CCDC62: variants seen among roughly 807,000 people sequenced by gnomAD.
The protein encoded by CCDC62 is coiled-coil domain-containing protein 62.
A neutral mutation model predicts 80.8 loss-of-function variants in CCDC62; 72 were observed. The ratio of observed to expected loss-of-function variants is 0.89; its 90% confidence interval spans 0.74 to 1.08. The LOEUF (loss-of-function observed/expected upper bound fraction) is 1.08, where lower values mean the gene tolerates loss of function less well. Ranked by LOEUF, CCDC62 falls within the 50% of genes least tolerant of loss-of-function variation. CCDC62 has a pLI of 0.00. For missense variants in CCDC62, 704 were observed against 809.4 expected, an observed-to-expected ratio of 0.87 and a Z score of 1.58; for synonymous variants, 286 against 296.5, an observed-to-expected ratio of 0.96 and a Z score of 0.36.
At chr12:122,811,915 C>T (rs1411247378) in intron 10 of CCDC62, among the ~76,000 whole-genome samples, 1 of 150,948 alleles carries the variant, frequency 6.6e-6, no homozygotes, top group Admixed American at 6.6e-5. Flanking sequence ...AACTTCACAT[C>T]CCAAAGTTGA....
chr12:122,816,398 C>T (rs1270650200), intron 11 of CCDC62, among the ~76,000 whole-genome samples: 1 of 152,142 alleles, frequency 6.6e-6, no homozygotes, highest in Admixed American at 6.6e-5. Flanking sequence ...TCTAGTCATT[C>T]TTTGGCAGCT....
intron 4 of CCDC62, among the ~76,000 whole-genome samples, chr12:122,788,238 G>A (rs992046080): frequency 1.1e-4 from 17 of 152,162 alleles, no homozygotes; most frequent in African/African-American, 3.9e-4. Flanking sequence ...AACTAAAACT[G>A]CCTCAACAAT....
At chr12:122,796,532 A>G (rs1229212871) in intron 6 of CCDC62, among the ~76,000 whole-genome samples, 2 of 152,160 alleles carry the variant, frequency 1.3e-5, no homozygotes, top group African/African-American at 4.8e-5. Flanking sequence ...ACGGAGTCAG[A>G]TGCACTACGG....
chr12:122,818,516 T>G (rs2032264042), intron 11 of CCDC62, among the ~76,000 whole-genome samples: 1 of 150,666 alleles, frequency 6.6e-6, no homozygotes, highest in African/African-American at 2.4e-5. Flanking sequence ...CCTGGGTACT[T>G]GGGAGGTTGA....
At chr12:122,806,881 C>G (rs1427136783) in intron 10 of CCDC62, among the ~76,000 whole-genome samples, 1 of 139,018 alleles carries the variant, frequency 7.2e-6, no homozygotes, top group African/African-American at 2.7e-5. Flanking sequence ...AAAAGAAAAA[C>G]AAACCACAAG....
At chr12:122,799,583 A>G (rs1328255059) in intron 8 of CCDC62, among the ~76,000 whole-genome samples, 1 of 152,224 alleles carries the variant, frequency 6.6e-6, no homozygotes, top group Admixed American at 6.5e-5. Flanking sequence ...ATAAACATAT[A>G]AAGTGTGGTT....
At chr12:122,783,929 T>A (rs2030042892) in intron 3 of CCDC62, among the ~76,000 whole-genome samples, 1 of 152,128 alleles carries the variant, frequency 6.6e-6, no homozygotes, top group Admixed American at 6.6e-5. Context: ...ACATTAGGGG[T>A]CACTCTTTGT....
At chr12:122,800,224 C>A (rs1242531017) in intron 8 of CCDC62, among the ~76,000 whole-genome samples, 1 of 114,106 alleles carries the variant, frequency 8.8e-6, no homozygotes, top group Non-Finnish European at 1.7e-5. Flanking sequence ...CGAAGGCTGT[C>A]TTTCTCCTTT....
intron 3 of CCDC62, among the ~76,000 whole-genome samples, chr12:122,783,310 C>G (rs536257931): frequency 1.3e-5 from 2 of 150,974 alleles, no homozygotes; most frequent in South Asian, 4.2e-4. Flanking sequence ...TCACTGCAAG[C>G]TCCGCCTCCC....
intron 6 of CCDC62, among the ~76,000 whole-genome samples, chr12:122,795,109 G>C (rs1345869930): frequency 2.0e-5 from 3 of 151,974 alleles, no homozygotes; most frequent in Admixed American, 6.6e-5. Flanking sequence ...GGAGTGTAGT[G>C]GTGCGATCTT....
At chr12:122,806,376 T>A in intron 10 of CCDC62, 81 bp downstream of exon 10, 1 of 1,197,072 alleles carries the variant, frequency 8.4e-7, no homozygotes, top group Non-Finnish European at 1.1e-6. Flanking sequence ...GCAACCACTG[T>A]TAGCTTGCTT....
At chr12:122,778,129 G>C (rs1879593883) in intron 2 of CCDC62, among the ~76,000 whole-genome samples, 1 of 152,076 alleles carries the variant, frequency 6.6e-6, no homozygotes, top group Non-Finnish European at 1.5e-5. Context: ...CACTTTGGCG[G>C]ATCACTTGAG....
chr12:122,790,689 A>G (rs1313937516), intron 5 of CCDC62, among the ~76,000 whole-genome samples: 1 of 152,156 alleles, frequency 6.6e-6, no homozygotes, highest in East Asian at 1.9e-4. Flanking sequence ...GAATTTTTAT[A>G]GAGCTCAATC....
At chr12:122,818,659 ACACCTGTAAT>A (rs1229556245) in intron 11 of CCDC62, among the ~76,000 whole-genome samples, 2 of 150,580 alleles carry the variant, frequency 1.3e-5, no homozygotes, top group Non-Finnish European at 2.9e-5. Flanking sequence ...GCAGTGACTC[ACACCTGTAAT>A]CCTAGCTCTT....
intron 2 of CCDC62, among the ~76,000 whole-genome samples, chr12:122,778,827 C>T (rs1593776754): frequency 6.6e-6 from 1 of 152,102 alleles, no homozygotes; most frequent in East Asian, 1.9e-4. Flanking sequence ...TGCAGTGAGC[C>T]AAGATTGCGC....
At chr12:122,784,319 G>A (rs186196617) in intron 3 of CCDC62, among the ~76,000 whole-genome samples, 1 of 151,880 alleles carries the variant, frequency 6.6e-6, no homozygotes, top group Non-Finnish European at 1.5e-5. Flanking sequence ...TCAGGAGTTC[G>A]AGACCAGCCT....
chr12:122,786,284 A>ACTACAGGC (rs1432594628), intron 4 of CCDC62, among the ~76,000 whole-genome samples: 1 of 150,644 alleles, frequency 6.6e-6, no homozygotes, highest in Non-Finnish European at 1.5e-5. Flanking sequence ...AGTAGCTGGG[A>ACTACAGGC]CTACAGGCGC....
At chr12:122,805,573 G>C (rs1263323503) in intron 9 of CCDC62, among the ~76,000 whole-genome samples, 7 of 133,198 alleles carry the variant, frequency 5.3e-5, no homozygotes, top group African/African-American at 2.0e-4. Context: ...GGAGTGCAGT[G>C]GCGCGATCTC....
intron 5 of CCDC62, among the ~76,000 whole-genome samples, chr12:122,789,694 A>G (rs995683969): frequency 6.6e-5 from 10 of 152,128 alleles, no homozygotes; most frequent in Non-Finnish European, 2.9e-5. Flanking sequence ...TTGGCCTCCC[A>G]AAGTGCTGAG....
Sources: gnomAD v4.1 joint callset for allele counts (sites outside exome capture counted in the v4.1 genomes callset) on GRCh38, gnomAD v4.1.1 for gene constraint, MANE v1.5 for transcripts, NCBI Gene and HGNC (gene_info 2026-07-23, HGNC 2026-07-21) for gene names.